The following UGGT2 variants were observed in gnomAD, a reference collection of about 807,000 sequenced individuals.
UGGT2 encodes the protein UDP-glucose:glycoprotein glucosyltransferase 2.
Under a neutral mutation model 192.1 loss-of-function variants are expected in UGGT2, and 180 were observed. The observed-to-expected ratio is 0.94, with a 90% confidence interval of 0.83 to 1.06. The LOEUF (loss-of-function observed/expected upper bound fraction) is 1.06. UGGT2 is among the 50% of genes least tolerant of loss of function. UGGT2 has a pLI of 0.00. For missense variants in UGGT2, 1,849 were observed against 1,795.7 expected (o/e 1.03, Z -0.54); for synonymous variants, 580 against 591.0 (o/e 0.98, Z 0.27).
chr13:95,868,125 G>A (rs1230715809), intron 29 of UGGT2, among the ~76,000 whole-genome samples: 1 of 152,116 alleles, frequency 6.6e-6, no homozygotes, highest in East Asian at 1.9e-4. Flanking sequence ...AATTAGTATA[G>A]TTACTTTTGA....
At position 95,930,106 on chromosome 13, in the gene UGGT2, A is replaced by G. The variant is rs566869948; in HGVS notation, c.1978-2770T>C. 4.1e-3 allele frequency among the ~76,000 whole-genome samples: 627 copies of G among 152,056 alleles called. 5 individuals are homozygous for G. Among genetic ancestry groups the G allele is most frequent in the Non-Finnish European group, 5.2e-3 (356 of 67,964 alleles). ...CTTTTGAGAAGTACCTGTTAATGTCATTTGCCTACTTTTTAATGGGGTTAT... is the reference window on the plus strand; with the variant it reads ...CTTTTGAGAAGTACCTGTTAATGTCGTTTGCCTACTTTTTAATGGGGTTAT... On this transcript the variant is annotated intron_variant, in intron 17 of 38. Coordinates refer to ENST00000376747, the MANE Select transcript of UGGT2 (RefSeq NM_020121.4).
chr13:95,958,440 C>A (rs1280415779), intron 12 of UGGT2, among the ~76,000 whole-genome samples: 1 of 152,178 alleles, frequency 6.6e-6, no homozygotes, highest in Non-Finnish European at 1.5e-5. Context: ...CGTAAGCCTC[C>A]ACGCCTGGCC....
intron 20 of UGGT2, among the ~76,000 whole-genome samples, chr13:95,911,380 C>T (rs554018045): frequency 1.4e-3 from 214 of 152,226 alleles, no homozygotes; most frequent in African/African-American, 4.7e-3. Context: ...CAAATAGACA[C>T]AATAAAAAAT....
chr13:95,810,259 C>T (rs188876109), intron 38 of UGGT2, among the ~76,000 whole-genome samples: 7 of 152,226 alleles, frequency 4.6e-5, no homozygotes, highest in African/African-American at 9.6e-5. Context: ...GCACTAAACA[C>T]GGTATGAACT....
intron 36 of UGGT2, among the ~76,000 whole-genome samples, chr13:95,852,875 T>C (rs1889189256): frequency 6.6e-6 from 1 of 152,112 alleles, no homozygotes; most frequent in Admixed American, 6.6e-5. Context: ...CTTGAGCATG[T>C]TTACACAATG....
intron 29 of UGGT2, among the ~76,000 whole-genome samples, chr13:95,872,071 T>C (rs1891272632): frequency 6.6e-6 from 1 of 152,236 alleles, no homozygotes. Context: ...AGATTTCAAA[T>C]GAGAAGTCTA....
intron 24 of UGGT2, among the ~76,000 whole-genome samples, chr13:95,891,409 A>T (rs1429826391): frequency 6.6e-6 from 1 of 152,170 alleles, no homozygotes; most frequent in Non-Finnish European, 1.5e-5. Context: ...AAGTTCAGGA[A>T]CAAAAATATC....
At chr13:95,803,130 A>G (rs1205637748) in intron 38 of UGGT2, among the ~76,000 whole-genome samples, 1 of 151,998 alleles carries the variant, frequency 6.6e-6, no homozygotes, top group African/African-American at 2.4e-5. Context: ...CACTGTGCCC[A>G]GCCGATAGCC....
chr13:96,021,893 A>G (rs1245262666), intron 4 of UGGT2, among the ~76,000 whole-genome samples: 1 of 152,210 alleles, frequency 6.6e-6, no homozygotes, highest in Non-Finnish European at 1.5e-5. Context: ...TCCTAAATTA[A>G]CCAATACTTT....
chr13:95,997,368 C>T (rs542618368), intron 6 of UGGT2, among the ~76,000 whole-genome samples: 36 of 152,262 alleles, frequency 2.4e-4, no homozygotes, highest in Non-Finnish European at 3.8e-4. Context: ...ATTAGTCTGG[C>T]CAGGTGTGGT....
At chr13:95,882,593 T>C (rs1297210144) in intron 27 of UGGT2, among the ~76,000 whole-genome samples, 2 of 152,216 alleles carry the variant, frequency 1.3e-5, no homozygotes, top group Non-Finnish European at 2.9e-5. Flanking sequence ...ATGCTAGAAT[T>C]TATAATCTCC....
intron 4 of UGGT2, among the ~76,000 whole-genome samples, chr13:96,016,172 C>A (rs1350092140): frequency 6.6e-6 from 1 of 152,122 alleles, no homozygotes; most frequent in African/African-American, 2.4e-5. Context: ...AGTTGGAATT[C>A]ATATTTAAGA....
chr13:96,022,133 C>G (rs1457926156), intron 4 of UGGT2, among the ~76,000 whole-genome samples: 1 of 151,756 alleles, frequency 6.6e-6, no homozygotes, highest in African/African-American at 2.4e-5. Context: ...TGGAGCAGAA[C>G]AAAGAGCTAT....
intron 36 of UGGT2, among the ~76,000 whole-genome samples, chr13:95,844,871 C>A (rs1888236310): frequency 1.3e-5 from 2 of 152,058 alleles, no homozygotes; most frequent in Non-Finnish European, 2.9e-5. Context: ...TGTTTCTGAT[C>A]TTAGGGAGAA....
chr13:95,914,782 G>A (rs966457958), intron 20 of UGGT2, among the ~76,000 whole-genome samples: 11 of 150,570 alleles, frequency 7.3e-5, no homozygotes, highest in East Asian at 1.9e-4. Context: ...CAGCCTGGGC[G>A]ACTGAGTGAG....
intron 29 of UGGT2, among the ~76,000 whole-genome samples, chr13:95,868,376 G>T (rs976724914): frequency 2.0e-5 from 3 of 151,882 alleles, no homozygotes; most frequent in African/African-American, 7.3e-5. Flanking sequence ...TGGGAGAATC[G>T]CTTGAGTCTA....
chr13:95,853,043 G>A (rs762927091), intron 36 of UGGT2, among the ~76,000 whole-genome samples: 1 of 152,142 alleles, frequency 6.6e-6, no homozygotes, highest in Non-Finnish European at 1.5e-5. Context: ...CTGTTCTCTT[G>A]ACAGTGAGTG....
chr13:95,894,938 A>C (rs1205068997), intron 23 of UGGT2, among the ~76,000 whole-genome samples: 1 of 152,146 alleles, frequency 6.6e-6, no homozygotes, highest in Admixed American at 6.6e-5. Context: ...GGGAGGGAGG[A>C]GACTGGGGTG....
At position 95,972,581 on chromosome 13, in the gene UGGT2, TA is replaced by T; in HGVS notation, c.1182del (p.Phe394LeufsTer7). ...TTACAGCAATAATTTAATACTTACC[TA>T]AAAGCGTCATAAACATCCATATCAA... is the stretch of plus-strand genomic sequence containing the variant. ...LRVDMDVYDA[F>X]SILDMLKLEG... On this transcript the variant is annotated frameshift_variant and splice_region_variant, in exon 11 of 39. Transcript: ENST00000376747. LOFTEE classifies it high-confidence loss of function. 4.3e-6 allele frequency: 7 copies of T among 1,609,636 alleles called. No individual in the cohort carries two copies. The highest frequency in any genetic ancestry group is 5.9e-6 in the Non-Finnish European group (7 of 1,176,788).
Sources: gnomAD v4.1 joint callset for allele counts (sites outside exome capture counted in the v4.1 genomes callset) on GRCh38, gnomAD v4.1.1 for gene constraint, MANE v1.5 for transcripts, NCBI Gene and HGNC (gene_info 2026-07-23, HGNC 2026-07-21) for gene names.